The following LOC128092252 variants were observed in gnomAD, a reference collection of about 807,000 sequenced individuals.
chr15:50,657,273 G>A, the LOC128092252 span, among the ~76,000 whole-genome samples: 2 of 152,150 alleles, frequency 1.3e-5, no homozygotes, highest in Non-Finnish European at 2.9e-5. Flanking sequence ...GCAGTGAGCC[G>A]AGATTGTGCC....
the LOC128092252 span, among the ~76,000 whole-genome samples, chr15:50,682,173 C>CAAAAAAAAAAAAAAAA: frequency 0.012 from 751 of 63,470 alleles, 60 homozygotes; most frequent in South Asian, 0.016. Context: ...AACTCAGTCT[C>CAAAAAAAAAAAAAAAA]AAAAAAAAAA....
At chr15:50,677,405 A>T in the LOC128092252 span, among the ~76,000 whole-genome samples, 3 of 151,758 alleles carry the variant, frequency 2.0e-5, no homozygotes, top group African/African-American at 7.3e-5. Context: ...TCAGTACATA[A>T]CAACAACAAC....
chr15:50,684,109 G>T, the LOC128092252 span, among the ~76,000 whole-genome samples: 4 of 151,138 alleles, frequency 2.6e-5, no homozygotes, highest in Non-Finnish European at 5.9e-5. Flanking sequence ...TCAGCCTGTC[G>T]CCGCCTCCCA....
the LOC128092252 span, among the ~76,000 whole-genome samples, chr15:50,652,655 C>A: frequency 1.9e-5 from 2 of 104,360 alleles, no homozygotes; most frequent in Non-Finnish European, 4.3e-5. Flanking sequence ...CCAAAAAAAT[C>A]GTTTAAGTGG....
the LOC128092252 span, among the ~76,000 whole-genome samples, chr15:50,677,751 A>G: frequency 4.7e-5 from 7 of 148,228 alleles, no homozygotes; most frequent in South Asian, 2.1e-4. Context: ...AAAAAAAAAA[A>G]AAAAAAAAAC....
At chr15:50,660,909 A>T in the LOC128092252 span, among the ~76,000 whole-genome samples, 1 of 152,320 alleles carries the variant, frequency 6.6e-6, no homozygotes, top group Admixed American at 6.5e-5. Context: ...GAAAACAACT[A>T]AATTGACCAA....
At chr15:50,684,216 G>C in the LOC128092252 span, among the ~76,000 whole-genome samples, 1 of 151,406 alleles carries the variant, frequency 6.6e-6, no homozygotes, top group Admixed American at 6.6e-5. Flanking sequence ...GCAGTGGCAG[G>C]ATCTCCGCTT....
the LOC128092252 span, among the ~76,000 whole-genome samples, chr15:50,653,476 G>A: frequency 6.6e-6 from 1 of 152,076 alleles, no homozygotes; most frequent in Non-Finnish European, 1.5e-5. Context: ...TGGTCTCGGA[G>A]ATTCCTGACA....
At chr15:50,664,635 C>T in the LOC128092252 span, among the ~76,000 whole-genome samples, 1 of 152,118 alleles carries the variant, frequency 6.6e-6, no homozygotes, top group Non-Finnish European at 1.5e-5. Flanking sequence ...AGAAGATTAA[C>T]ACATTTCCCT....
the LOC128092252 span, among the ~76,000 whole-genome samples, chr15:50,657,377 T>C: frequency 6.6e-6 from 1 of 152,168 alleles, no homozygotes; most frequent in Non-Finnish European, 1.5e-5. Context: ...ACAATATCCT[T>C]TTAACATGAA....
chr15:50,660,669 A>G, the LOC128092252 span, among the ~76,000 whole-genome samples: 1 of 151,974 alleles, frequency 6.6e-6, no homozygotes, highest in South Asian at 2.1e-4. Context: ...TATACATACT[A>G]TTTTCTACTT....
the LOC128092252 span, chr15:50,686,606 C>G: frequency 7.0e-6 from 11 of 1,582,118 alleles, no homozygotes; most frequent in Non-Finnish European, 9.4e-6. Context: ...AGCCATCTAT[C>G]GGGAAGCGTC....
chr15:50,672,550 C>T, the LOC128092252 span, among the ~76,000 whole-genome samples: 1 of 151,812 alleles, frequency 6.6e-6, no homozygotes, highest in African/African-American at 2.4e-5. Flanking sequence ...CCTAGGCTAA[C>T]GTGTATATTT....
the LOC128092252 span, among the ~76,000 whole-genome samples, chr15:50,685,367 G>A: frequency 6.6e-6 from 1 of 152,234 alleles, no homozygotes; most frequent in South Asian, 2.1e-4. Flanking sequence ...TGAGGCAGGA[G>A]AATCGCCTGA....
the LOC128092252 span, chr15:50,662,851 AAGTAAC>A: frequency 3.9e-6 from 3 of 769,358 alleles, no homozygotes; most frequent in South Asian, 3.3e-5. Flanking sequence ...TAATTATAAA[AAGTAAC>A]AGTAAGTACA....
At chr15:50,659,925 A>G in the LOC128092252 span, among the ~76,000 whole-genome samples, 1 of 152,174 alleles carries the variant, frequency 6.6e-6, no homozygotes, top group East Asian at 1.9e-4. Flanking sequence ...ACAGCCTCCC[A>G]AAGTGCTGGG....
the LOC128092252 span, among the ~76,000 whole-genome samples, chr15:50,667,236 C>T: frequency 6.6e-6 from 1 of 152,140 alleles, no homozygotes; most frequent in South Asian, 2.1e-4. Flanking sequence ...GATTACTAGG[C>T]CCTAGAAACT....
the LOC128092252 span, among the ~76,000 whole-genome samples, chr15:50,650,201 AAAAAAAAAAAAAAAAAAAAAG>A: frequency 8.6e-6 from 1 of 116,444 alleles, no homozygotes; most frequent in African/African-American, 3.5e-5. Flanking sequence ...TCAAAAAAAA[AAAAAAAAAAAAAAAAAAAAAG>A]AATAACTACT....
At chr15:50,652,708 T>A in the LOC128092252 span, among the ~76,000 whole-genome samples, 1 of 151,970 alleles carries the variant, frequency 6.6e-6, no homozygotes, top group Non-Finnish European at 1.5e-5. Flanking sequence ...CTCATTCTGC[T>A]TTGGAAAAAA....
Sources: allele counts gnomAD v4.1 joint callset (sites outside exome capture counted in the v4.1 genomes callset), GRCh38; gene constraint gnomAD v4.1.1; transcripts MANE v1.5.